The following SMARCC1 variants were observed in gnomAD, a reference collection of about 807,000 sequenced individuals.
SMARCC1 encodes SWI/SNF related BAF chromatin remodeling complex subunit C1, also known as SWI/SNF complex subunit SMARCC1.
Under a neutral mutation model 147.4 loss-of-function variants are expected in SMARCC1, and 43 were observed. The observed-to-expected ratio is 0.29, with a 90% CI of 0.23 to 0.38. The LOEUF (loss-of-function observed/expected upper bound fraction) is 0.38, where lower values mean the gene tolerates loss of function less well. SMARCC1 is among the 10% of genes least tolerant of loss of function. The pLI is 1.00. For missense variants in SMARCC1, 1,119 were observed against 1,381.1 expected (o/e 0.81, Z 3.01); for synonymous variants, 495 against 484.4 (o/e 1.02, Z -0.29).
Position 47,610,088 on chromosome 3 carries a change from T to G in SMARCC1, c.3021A>C (p.Pro1007=). The part of the protein sequence containing the change: ...PPYPLMHHQM[P]PPHPPQPGQI... ...TACCTGGCTGGGGTGGATGAGGTGG[T>G]GGCATCTGGTGGTGCATCAGAGGGT... The change falls in exon 26 of 28, where the codon CCA becomes CCC. Residue 1007 remains proline, a synonymous_variant. Coordinates refer to ENST00000254480, the MANE Select transcript of SMARCC1 (RefSeq NM_003074.4). 6.2e-7 allele frequency: 1 copy of G among 1,612,644 alleles called. No homozygotes were observed. The highest frequency in any genetic ancestry group is 8.5e-7 in the Non-Finnish European group (1 of 1,179,986).
intron 1 of SMARCC1, among the ~76,000 whole-genome samples, chr3:47,780,800 C>T (rs2035037530): frequency 6.6e-6 from 1 of 151,720 alleles, no homozygotes. Context: ...TAAGGGAGTC[C>T]TCCTGAATAT....
At chr3:47,714,967 A>G (rs989177578) in intron 7 of SMARCC1, among the ~76,000 whole-genome samples, 6 of 152,162 alleles carry the variant, frequency 3.9e-5, no homozygotes, top group Admixed American at 3.3e-4. Flanking sequence ...AAAAAATTTT[A>G]AACAGCTGCT....
intron 26 of SMARCC1, among the ~76,000 whole-genome samples, chr3:47,609,433 C>T (rs201945453): frequency 6.6e-6 from 1 of 151,310 alleles, no homozygotes; most frequent in South Asian, 2.1e-4. Flanking sequence ...GGAGGCGGAG[C>T]TTGCAGTGAG....
intron 26 of SMARCC1, among the ~76,000 whole-genome samples, chr3:47,608,048 A>G (rs1273993014): frequency 6.6e-6 from 1 of 152,202 alleles, no homozygotes; most frequent in Non-Finnish European, 1.5e-5. Context: ...AATAGAGGGA[A>G]AATATGAAGC....
At chr3:47,657,493 C>T (rs966740125) in intron 21 of SMARCC1, among the ~76,000 whole-genome samples, 3 of 152,132 alleles carry the variant, frequency 2.0e-5, no homozygotes, top group Non-Finnish European at 2.9e-5. Context: ...GAAGAAATCA[C>T]AACAGAAATT....
chr3:47,630,580 CA>C (rs1324448124), intron 24 of SMARCC1, among the ~76,000 whole-genome samples: 3 of 152,132 alleles, frequency 2.0e-5, no homozygotes, highest in Non-Finnish European at 2.9e-5. Flanking sequence ...TGTAGTCATA[CA>C]AAAATGAAAC....
At chr3:47,641,185 C>T (rs942560392) in intron 21 of SMARCC1, among the ~76,000 whole-genome samples, 1 of 152,168 alleles carries the variant, frequency 6.6e-6, no homozygotes, top group African/African-American at 2.4e-5. Flanking sequence ...CCAACACAGT[C>T]AATTAAGAAA....
intron 21 of SMARCC1, among the ~76,000 whole-genome samples, chr3:47,649,495 G>A (rs1224544244): frequency 1.3e-5 from 2 of 152,186 alleles, no homozygotes; most frequent in Non-Finnish European, 2.9e-5. Flanking sequence ...TTAACACAGA[G>A]CTGTGACAAC....
chr3:47,759,537 C>T (rs1230275735), intron 2 of SMARCC1, among the ~76,000 whole-genome samples: 11 of 142,914 alleles, frequency 7.7e-5, no homozygotes. Context: ...AGGAGAATAG[C>T]TTGAACCCGG....
chr3:47,694,480 A>G (rs1233264590), intron 11 of SMARCC1, among the ~76,000 whole-genome samples: 1 of 152,118 alleles, frequency 6.6e-6, no homozygotes, highest in Non-Finnish European at 1.5e-5. Context: ...CGCATGTGTA[A>G]TCCCAGCTGC....
At chr3:47,655,093 G>GT (rs2033243954) in intron 21 of SMARCC1, among the ~76,000 whole-genome samples, 1 of 152,180 alleles carries the variant, frequency 6.6e-6, no homozygotes, top group Non-Finnish European at 1.5e-5. Flanking sequence ...ATAAAAAATG[G>GT]TAAGATTTTA....
intron 2 of SMARCC1, among the ~76,000 whole-genome samples, chr3:47,762,290 CCTT>C (rs2034782205): frequency 6.6e-6 from 1 of 152,144 alleles, no homozygotes; most frequent in Admixed American, 6.6e-5. Context: ...ACTGTAAGCC[CCTT>C]CTTATTAACT....
At chr3:47,763,082 G>GA (rs1310483429) in intron 2 of SMARCC1, among the ~76,000 whole-genome samples, 2 of 147,668 alleles carry the variant, frequency 1.4e-5, no homozygotes, top group African/African-American at 2.5e-5. Flanking sequence ...AAAAAAAAGA[G>GA]AAAACGTTGA....
intron 2 of SMARCC1, among the ~76,000 whole-genome samples, chr3:47,755,539 T>TA (rs925127019): frequency 3.7e-4 from 52 of 139,152 alleles, no homozygotes; most frequent in East Asian, 1.2e-3. Context: ...AAAGCGAATT[T>TA]AAAAAAAAAA....
chr3:47,597,269 G>A lies in SMARCC1; in HGVS notation c.3044-6432C>T, dbSNP rs555914116. 8.9e-4 allele frequency among the ~76,000 whole-genome samples: 135 copies of A among 152,088 alleles called. 1 individual carries two copies. Among genetic ancestry groups the A allele is most frequent in the Non-Finnish European group, 1.3e-3 (91 of 68,004 alleles). ...ACTCCTGGGTTGAAGTGATGCCCCC[G>A]CCTCAACTTCCTGAGTAGCTAGGAT... On this transcript the variant is annotated intron_variant, in intron 26 of 27. Coordinates refer to ENST00000254480, the MANE Select transcript of SMARCC1 (RefSeq NM_003074.4).
chr3:47,616,167 G>A (rs2032641233), intron 25 of SMARCC1, among the ~76,000 whole-genome samples: 1 of 152,138 alleles, frequency 6.6e-6, no homozygotes, highest in South Asian at 2.1e-4. Context: ...TTCTCTCCAG[G>A]TAATTTAGTC....
intron 5 of SMARCC1, among the ~76,000 whole-genome samples, chr3:47,729,315 G>A (rs1018410763): frequency 2.0e-5 from 3 of 152,106 alleles, no homozygotes; most frequent in African/African-American, 7.2e-5. Context: ...AAAGTAATTC[G>A]AGCACCTATT....
intron 13 of SMARCC1, among the ~76,000 whole-genome samples, chr3:47,689,079 C>CA (rs748390170): frequency 1.3e-5 from 2 of 152,056 alleles, no homozygotes; most frequent in Non-Finnish European, 2.9e-5. Flanking sequence ...TGTAGTGGTG[C>CA]ACACAAGTAG....
intron 11 of SMARCC1, among the ~76,000 whole-genome samples, chr3:47,697,661 G>C (rs1039797034): frequency 1.3e-5 from 2 of 151,134 alleles, no homozygotes; most frequent in African/African-American, 4.9e-5. Context: ...TATGAGGCCA[G>C]CATAACCATG....
Sources: allele counts gnomAD v4.1 joint callset (sites outside exome capture counted in the v4.1 genomes callset), GRCh38; gene constraint gnomAD v4.1.1; transcripts MANE v1.5; gene names NCBI Gene and HGNC (gene_info 2026-07-23, HGNC 2026-07-21).